ZNF362: variants seen among roughly 807,000 people sequenced by gnomAD.
ZNF362 encodes the protein rotund homolog.
Under a neutral mutation model 42.9 loss-of-function variants are expected in ZNF362, and 11 were observed. The observed-to-expected ratio is 0.26, with a 90% CI of 0.16 to 0.42. The LOEUF is 0.42. Among genes scored for constraint, ZNF362 ranks in the 20% least tolerant of loss-of-function variants. ZNF362 has a pLI of 1.00. For missense variants in ZNF362, 362 were observed against 576.2 expected (o/e 0.63, Z 3.81); for synonymous variants, 255 against 257.3 (o/e 0.99, Z 0.09).
At chr1:33,250,699 G>A in the ZNF362 span, among the ~76,000 whole-genome samples, 2 of 150,846 alleles carry the variant, frequency 1.3e-5, no homozygotes. Context: ...ATTTACCTAT[G>A]TAACAAATCT....
chr1:33,176,743 T>C, the ZNF362 span, among the ~76,000 whole-genome samples: 1 of 152,224 alleles, frequency 6.6e-6, no homozygotes, highest in Non-Finnish European at 1.5e-5. Flanking sequence ...CTTCCAATCC[T>C]GGCCCTGCCA....
intron 1 of ZNF362, among the ~76,000 whole-genome samples, chr1:33,265,813 A>G (rs1002500855): frequency 6.6e-6 from 1 of 151,814 alleles, no homozygotes; most frequent in Non-Finnish European, 1.5e-5. Context: ...TGTCCCCCCT[A>G]TGTTCTTTCA....
chr1:33,142,892 A>G, the ZNF362 span: 1 of 152,020 alleles, frequency 6.6e-6, no homozygotes, highest in Admixed American at 6.5e-5. Context: ...TCCCTGCTCA[A>G]ACACTGAGAT....
At chr1:33,250,799 GAGA>G in the ZNF362 span, among the ~76,000 whole-genome samples, 1 of 148,052 alleles carries the variant, frequency 6.8e-6, no homozygotes, top group Non-Finnish European at 1.5e-5. Flanking sequence ...GAAGGAGGAG[GAGA>G]AGGAGAAGAA....
chr1:33,285,956 A>G (rs956920758), intron 6 of ZNF362, among the ~76,000 whole-genome samples: 2 of 152,122 alleles, frequency 1.3e-5, no homozygotes, highest in Non-Finnish European at 2.9e-5. Flanking sequence ...CCAGCTACTT[A>G]GGAGGCCAAG....
intron 8 of ZNF362, among the ~76,000 whole-genome samples, chr1:33,298,432 C>A: frequency 6.6e-6 from 1 of 152,206 alleles, no homozygotes; most frequent in East Asian, 1.9e-4. Flanking sequence ...ATCTTTGTCA[C>A]CACAGCAACC....
intron 1 of ZNF362, among the ~76,000 whole-genome samples, chr1:33,268,943 T>A (rs1645882521): frequency 6.6e-6 from 1 of 152,150 alleles, no homozygotes; most frequent in Non-Finnish European, 1.5e-5. Context: ...GGGGAACCTG[T>A]GAGCAGGCTC....
chr1:33,245,773 AC>A, the ZNF362 span, among the ~76,000 whole-genome samples: 65 of 152,302 alleles, frequency 4.3e-4, 2 homozygotes, highest in African/African-American at 1.4e-3. Context: ...CCTTGTCTCT[AC>A]AAAAAATTTT....
the ZNF362 span, among the ~76,000 whole-genome samples, chr1:33,229,482 C>T: frequency 6.6e-6 from 1 of 151,234 alleles, no homozygotes; most frequent in East Asian, 2.0e-4. Context: ...TCTCAGCTCA[C>T]TGTAACCTCC....
chr1:33,141,111 G>A, the ZNF362 span, among the ~76,000 whole-genome samples: 2 of 152,056 alleles, frequency 1.3e-5, no homozygotes, highest in Non-Finnish European at 2.9e-5. Flanking sequence ...GGCCCGTGAT[G>A]CTGACTGGCA....
chr1:33,180,921 A>T, the ZNF362 span: 1 of 611,902 alleles, frequency 1.6e-6, no homozygotes, highest in Non-Finnish European at 2.3e-6. Flanking sequence ...CCCCAGGACC[A>T]TTCTGACTGG....
At chr1:33,218,574 G>A in the ZNF362 span, among the ~76,000 whole-genome samples, 1 of 152,154 alleles carries the variant, frequency 6.6e-6, no homozygotes, top group Non-Finnish European at 1.5e-5. Context: ...TCTAACAGGT[G>A]AACTTGTCAT....
At chr1:33,245,351 A>G in the ZNF362 span, among the ~76,000 whole-genome samples, 1 of 152,158 alleles carries the variant, frequency 6.6e-6, no homozygotes, top group Non-Finnish European at 1.5e-5. Flanking sequence ...CCAGAACACA[A>G]TGAGGAGGAC....
chr1:33,181,172 G>T, the ZNF362 span: 1 of 1,596,752 alleles, frequency 6.3e-7, no homozygotes. The surrounding 1 kb of genome is among the most constrained non-coding windows in gnomAD (Gnocchi z 6.5). Flanking sequence ...GCGCGGCGCG[G>T]CGCGCGTTGA....
chr1:33,288,027 T>C (rs1646044627), intron 6 of ZNF362, among the ~76,000 whole-genome samples: 1 of 152,236 alleles, frequency 6.6e-6, no homozygotes. Flanking sequence ...TATTGAAACA[T>C]TGAATACGTT....
At chr1:33,270,440 CTATTATTAT>C in intron 1 of ZNF362, 38 bp from the exon 2 acceptor site, 1 of 616,336 alleles carries the variant, frequency 1.6e-6, no homozygotes, top group Non-Finnish European at 3.0e-6. Flanking sequence ...TGGCACTTTA[CTATTATTAT>C]TATTGTTATT....
At chr1:33,129,880 A>C in the ZNF362 span, among the ~76,000 whole-genome samples, 3 of 152,020 alleles carry the variant, frequency 2.0e-5, no homozygotes, top group Admixed American at 2.0e-4. This position sits in a 1 kb window ranked among gnomAD's most constrained non-coding sequence, Gnocchi z 4.1. Flanking sequence ...TTATTTTGAG[A>C]CGGAGTTTTG....
chr1:33,251,545 T>C (rs1645761986), upstream of ZNF362, among the ~76,000 whole-genome samples: 1 of 152,158 alleles, frequency 6.6e-6, no homozygotes, highest in Admixed American at 6.5e-5. Flanking sequence ...AACTCTGCCA[T>C]ATCACATCTC....
chr1:33,155,216 C>T, the ZNF362 span, among the ~76,000 whole-genome samples: 2 of 151,574 alleles, frequency 1.3e-5, no homozygotes, highest in African/African-American at 2.4e-5. Context: ...GGATTACAGG[C>T]GTGTACCACC....
Sources: gnomAD v4.1 joint callset for allele counts (sites outside exome capture counted in the v4.1 genomes callset) on GRCh38, gnomAD v4.1.1 for gene constraint, Gnocchi (gnomAD v3.1) non-coding constraint, MANE v1.5 for transcripts, NCBI Gene and HGNC (gene_info 2026-07-23, HGNC 2026-07-21) for gene names.